The following LONP2 variants were observed in gnomAD, a reference collection of about 807,000 sequenced individuals.
LONP2 encodes lon protease homolog 2, peroxisomal.
LONP2 carries 60 observed loss-of-function variants against 85.6 expected under a neutral mutation model. The ratio of observed to expected loss-of-function variants is 0.70; its 90% CI spans 0.57 to 0.87. The LOEUF (loss-of-function observed/expected upper bound fraction) is 0.87. LONP2 is among the 40% of genes least tolerant of loss of function. The pLI is 0.00. For missense variants in LONP2, 860 were observed against 1,063.5 expected (o/e 0.81, Z 2.66); for synonymous variants, 395 against 389.7 (o/e 1.01, Z -0.16).
chr16:48,311,501 A>G (rs1360255120), intron 11 of LONP2, among the ~76,000 whole-genome samples: 2 of 151,358 alleles, frequency 1.3e-5, no homozygotes, highest in Non-Finnish European at 2.9e-5. Flanking sequence ...TATTTCCAGG[A>G]GTTCTGTTTG....
chr16:48,335,786 A>G (rs1345099610), intron 12 of LONP2, among the ~76,000 whole-genome samples: 2 of 152,198 alleles, frequency 1.3e-5, no homozygotes, highest in Non-Finnish European at 2.9e-5. Flanking sequence ...GAGCCTCTCT[A>G]CAGAGCTCTC....
At chr16:48,337,382 A>G (rs759149058) in intron 12 of LONP2, among the ~76,000 whole-genome samples, 25 of 152,060 alleles carry the variant, frequency 1.6e-4, no homozygotes, top group Admixed American at 5.9e-4. Flanking sequence ...CTTGTTGACC[A>G]CTCCCATTTT....
chr16:48,310,830 A>G (rs1241636523), intron 11 of LONP2, among the ~76,000 whole-genome samples: 1 of 152,148 alleles, frequency 6.6e-6, no homozygotes, highest in East Asian at 1.9e-4. Context: ...GAACTTCTTT[A>G]AATATTTCTC....
intron 8 of LONP2, among the ~76,000 whole-genome samples, chr16:48,285,499 T>C (rs1022605060): frequency 6.6e-6 from 1 of 152,080 alleles, no homozygotes; most frequent in Admixed American, 6.6e-5. Flanking sequence ...GTCCCGTAGG[T>C]CTCTAAAGTG....
At chr16:48,295,875 C>T (rs926422932) in intron 8 of LONP2, 140 bp from the exon 9 acceptor site, 1 of 716,974 alleles carries the variant, frequency 1.4e-6, no homozygotes, top group Non-Finnish European at 2.4e-6. Context: ...TAATAATGCT[C>T]AGATGTTAGT....
At chr16:48,336,675 G>T (rs572296262) in intron 12 of LONP2, among the ~76,000 whole-genome samples, 2 of 152,278 alleles carry the variant, frequency 1.3e-5, no homozygotes, top group South Asian at 4.1e-4. Context: ...AATTTCACTA[G>T]GTTAATCGCT....
Position 48,250,507 on chromosome 16 carries a change from C to CAAAA in LONP2, c.234-1622_234-1621insAAAA, listed in dbSNP as rs546101562. On this transcript the variant is annotated intron_variant, in intron 1 of 14. Coordinates refer to ENST00000285737, the MANE Select transcript of LONP2 (RefSeq NM_031490.5). ...AAAAAAAAAAACAAAAAACAAAAAA[C>CAAAA]AACTCTTTAGCATCACCTTTTAGCA... Among the ~76,000 whole-genome samples the CAAAA allele has an allele frequency of 1.8e-3, 276 of 151,644 alleles. 1 individual carries two copies. The highest frequency in any genetic ancestry group is 6.4e-3 in the African/African-American group (263 of 41,380).
chr16:48,247,917 C>T (rs1971499427), intron 1 of LONP2, among the ~76,000 whole-genome samples: 1 of 152,114 alleles, frequency 6.6e-6, no homozygotes, highest in African/African-American at 2.4e-5. Flanking sequence ...AGGCGTGAGC[C>T]ACCATGCCTG....
At position 48,277,408 on chromosome 16, in the gene LONP2, G is replaced by A. The variant is rs745474594; in HGVS notation, c.1312G>A (p.Val438Met). The change falls in exon 8 of 15, where the codon GTG (valine) becomes ATG (methionine). Residue 438 changes from valine (V) to methionine (M), a missense_variant. Coordinates refer to ENST00000285737, the MANE Select transcript of LONP2 (RefSeq NM_031490.5). ...GLKTVGVNNPVFLLDEVDKLG... is the reference protein window; with the variant it reads ...GLKTVGVNNPMFLLDEVDKLG... ...GAAGACTGTGGGAGTGAACAACCCA[G>A]TGTTCCTATTAGATGAGGTTGACAA... 8 of 1,613,698 alleles carry A rather than the reference G, an allele frequency of 5.0e-6. No homozygotes were observed. The Admixed American group carries it at 1.3e-4, about 27-fold the overall frequency.
chr16:48,272,329 A>G (rs906824956), intron 7 of LONP2, among the ~76,000 whole-genome samples: 4 of 152,196 alleles, frequency 2.6e-5, no homozygotes, highest in Non-Finnish European at 2.9e-5. Context: ...CGGCAGAATT[A>G]TGGGAAAATG....
At chr16:48,351,488 T>C (rs1567356131) in intron 14 of LONP2, 93 bp from the exon 15 acceptor site, 7 of 911,942 alleles carry the variant, frequency 7.7e-6, no homozygotes. Context: ...TTTAAAATAG[T>C]AGTGGTTAAA....
At chr16:48,359,518 ACATCTTGG>A (rs1380531253), downstream of LONP2, among the ~76,000 whole-genome samples, 1 of 152,118 alleles carries the variant, frequency 6.6e-6, no homozygotes, top group African/African-American at 2.4e-5. Flanking sequence ...GAGATTGAGA[ACATCTTGG>A]CCAACATGGT....
chr16:48,290,781 A>G (rs950160890), intron 8 of LONP2, among the ~76,000 whole-genome samples: 1 of 152,084 alleles, frequency 6.6e-6, no homozygotes, highest in Non-Finnish European at 1.5e-5. Context: ...CTTGTCACAT[A>G]GGCCTGATTG....
chr16:48,264,387 A>T (rs1316204373), intron 6 of LONP2, among the ~76,000 whole-genome samples: 1 of 152,202 alleles, frequency 6.6e-6, no homozygotes, highest in East Asian at 1.9e-4. Context: ...GAGAAAAAAG[A>T]ATTCAGCGAT....
Position 48,347,548 on chromosome 16 carries a change from G to A in LONP2, c.1980G>A (p.Leu660=). ...GTCAGCCAGGAGTAGCAATAGGTTT[G>A]GCTTGGACTCCCTTAGGTGGAGAAA... ...RLSQPGVAIG[L]AWTPLGGEIM... The change falls in exon 13 of 15, where the codon TTG becomes TTA. Residue 660 remains leucine, a synonymous_variant. Coordinates refer to ENST00000285737, the MANE Select transcript of LONP2 (RefSeq NM_031490.5). 1 of 1,614,204 alleles carries A rather than the reference G, an allele frequency of 6.2e-7. No individual in the cohort carries two copies.
At chr16:48,261,825 CTT>C (rs1294486505) in intron 5 of LONP2, among the ~76,000 whole-genome samples, 1 of 151,960 alleles carries the variant, frequency 6.6e-6, no homozygotes, top group Non-Finnish European at 1.5e-5. Flanking sequence ...TCACATGTGA[CTT>C]TTCTTCTCTA....
chr16:48,343,389 A>G (rs1959871428), intron 12 of LONP2, among the ~76,000 whole-genome samples: 1 of 152,308 alleles, frequency 6.6e-6, no homozygotes, highest in Non-Finnish European at 1.5e-5. Context: ...TTAAAAACTA[A>G]TAGCATTGAT....
intron 11 of LONP2, among the ~76,000 whole-genome samples, chr16:48,332,118 C>T (rs1959473231): frequency 6.6e-6 from 1 of 152,076 alleles, no homozygotes; most frequent in Admixed American, 6.5e-5. Flanking sequence ...AGGATGTCTC[C>T]AGTTATTGTT....
intron 1 of LONP2, 140 bp downstream of exon 1, chr16:48,244,761 A>C (rs1010706302): frequency 9.7e-6 from 5 of 517,056 alleles, no homozygotes; most frequent in Non-Finnish European, 1.6e-5. Flanking sequence ...TGGTGCTATC[A>C]CTTGCAAAAT....
Sources: gnomAD v4.1 joint callset for allele counts (sites outside exome capture counted in the v4.1 genomes callset) on GRCh38, gnomAD v4.1.1 for gene constraint, MANE v1.5 for transcripts, NCBI Gene and HGNC (gene_info 2026-07-23, HGNC 2026-07-21) for gene names.